CHRNB4: variants seen among roughly 807,000 people sequenced by gnomAD.
The protein encoded by CHRNB4 is cholinergic receptor nicotinic beta 4 subunit.
Under a neutral mutation model 40.4 loss-of-function variants are expected in CHRNB4, and 23 were observed. That is an observed-to-expected ratio of 0.57 (90% CI 0.41 to 0.81). CHRNB4 has a LOEUF of 0.81. Among genes scored for constraint, CHRNB4 ranks in the 30% least tolerant of loss-of-function variants. The pLI is 0.00. For synonymous variants in CHRNB4, 285 were observed against 274.4 expected, an observed-to-expected ratio of 1.04 and a Z score of -0.38; for missense variants, 568 against 670.6, an observed-to-expected ratio of 0.85 and a Z score of 1.69.
intron 1 of CHRNB4, among the ~76,000 whole-genome samples, chr15:78,638,216 C>T (rs928184076): frequency 1.3e-5 from 2 of 152,250 alleles, no homozygotes; most frequent in African/African-American, 4.8e-5. Context: ...GCTCATGCTC[C>T]AGCTCCGAGC....
At chr15:78,650,497 C>G (rs2054163409) in intron 6 of CHRNB4, among the ~76,000 whole-genome samples, 1 of 152,214 alleles carries the variant, frequency 6.6e-6, no homozygotes. Flanking sequence ...AGAAGTTGGT[C>G]TTCACATTCC....
At chr15:78,656,466 A>G (rs2141412233) in exon 4 of CHRNB4, 1 of 152,282 alleles carries the variant, frequency 6.6e-6, no homozygotes, top group South Asian at 2.1e-4. Context: ...TGCATTATAT[A>G]CACGTAACAA....
Position 78,628,905 on chromosome 15 carries a change from C to A in CHRNB4, c.1338+62G>T. ...TGAATTAACTGCAGGAAGTGGGAAG[C>A]TGGTGCTACTATCTGAGCCCTTTCT... On this transcript the variant is annotated intron_variant, in intron 5 of 5. Transcript: ENST00000261751. 3 of 1,533,868 alleles carry A rather than the reference C, an allele frequency of 2.0e-6. No homozygotes were observed. In the South Asian group the frequency reaches 3.9e-5, roughly 20 times the overall value.
At chr15:78,627,674 A>G (rs549859634) in intron 5 of CHRNB4, 1 of 152,290 alleles carries the variant, frequency 6.6e-6, no homozygotes, top group East Asian at 1.9e-4. Flanking sequence ...TAATATGAGA[A>G]CATTCACAAG....
upstream of CHRNB4, chr15:78,641,242 G>A (rs1441671934): frequency 9.8e-6 from 10 of 1,020,936 alleles, no homozygotes; most frequent in African/African-American, 1.6e-4. Context: ...AGGTTTGCTG[G>A]CGGGGCGGCG....
chr15:78,636,053 C>T (rs2053942756), intron 1 of CHRNB4, among the ~76,000 whole-genome samples: 1 of 151,978 alleles, frequency 6.6e-6, no homozygotes, highest in Non-Finnish European at 1.5e-5. Flanking sequence ...GATTACAGGC[C>T]TGCGCCACCA....
Position 78,629,786 on chromosome 15 carries a change from G to C in CHRNB4, c.519C>G (p.Ser173=). The C allele has an allele frequency of 6.2e-7, 1 of 1,614,160 alleles. No homozygotes were observed. The highest frequency in any genetic ancestry group is 8.5e-7 in the Non-Finnish European group (1 of 1,180,052). ...CTATCTCCGTGTGGTCATAGGTCCA[G>C]GAGCGGAACTTGAGGGTGCAGTTCT... The part of the protein sequence containing the change: ...DQQNCTLKFR[S]WTYDHTEIDM... The change falls in exon 5 of 6, where the codon TCC becomes TCG. Residue 173 remains serine (S), a synonymous_variant. Transcript: ENST00000261751. The surrounding 1 kb of genome is among the most constrained non-coding windows in gnomAD (Gnocchi z 6.8).
At chr15:78,657,029 TTTC>T (rs972845832) in intron 3 of CHRNB4, among the ~76,000 whole-genome samples, 11 of 144,726 alleles carry the variant, frequency 7.6e-5, no homozygotes, top group South Asian at 4.9e-4. Context: ...TTGTTTTTCT[TTTC>T]TTCTTTTTTT....
intron 2 of CHRNB4, among the ~76,000 whole-genome samples, chr15:78,635,018 G>C (rs2053916590): frequency 6.6e-6 from 1 of 152,130 alleles, no homozygotes; most frequent in Non-Finnish European, 1.5e-5. Context: ...CTACACCTGG[G>C]CCTCTCTGTA....
Position 78,631,398 on chromosome 15 carries a change from A to G in CHRNB4, c.205-66T>C. 4 of 1,540,400 alleles carry G rather than the reference A, an allele frequency of 2.6e-6. No individual in the cohort carries two copies. In the South Asian group the frequency reaches 4.7e-5, roughly 18 times the overall value. On this transcript the variant is annotated intron_variant, in intron 2 of 5. Coordinates refer to ENST00000261751, the MANE Select transcript of CHRNB4 (RefSeq NM_000750.5). ...GAGCCTCACAAATGGATTGCACTTT[A>G]TTGTGCAAAAGGCTGTGAGCTCCAG...
At chr15:78,658,610 AAAG>A (rs1398490794) in intron 1 of CHRNB4, among the ~76,000 whole-genome samples, 1 of 152,232 alleles carries the variant, frequency 6.6e-6, no homozygotes, top group Non-Finnish European at 1.5e-5. Context: ...AAGAAAAAAG[AAAG>A]TTGTAATAAC....
Position 78,636,574 on chromosome 15 carries a change from C to T in CHRNB4, c.56-987G>A, listed in dbSNP as rs2053954770. Among the ~76,000 whole-genome samples the T allele has an allele frequency of 1.3e-5, 2 of 152,012 alleles. 1 individual carries two copies. The highest frequency in any genetic ancestry group is 2.9e-5 in the Non-Finnish European group (2 of 67,996). On this transcript the variant is annotated intron_variant, in intron 1 of 5. Transcript: ENST00000261751. ...TGGCCATAGCCTACTGTTTGCCTTT[C>T]CCCCTGTGACCTTCACTGTCTCACT...
At chr15:78,642,007 C>A (rs1402763515), upstream of CHRNB4, among the ~76,000 whole-genome samples, 1 of 152,206 alleles carries the variant, frequency 6.6e-6, no homozygotes, top group Non-Finnish European at 1.5e-5. Flanking sequence ...TCAGTCCGGT[C>A]CTCATACCTG....
chr15:78,630,944 G>C, intron 4 of CHRNB4, 132 bp downstream of exon 4: 2 of 700,526 alleles, frequency 2.9e-6, no homozygotes, highest in South Asian at 3.4e-5. Context: ...TTCTCTTCTA[G>C]CTTGATGGCC....
chr15:78,639,559 A>C (rs2054027834), intron 1 of CHRNB4, among the ~76,000 whole-genome samples: 1 of 152,058 alleles, frequency 6.6e-6, no homozygotes, highest in African/African-American at 2.4e-5. Flanking sequence ...CTGCCTCCCA[A>C]AGTGCTGGGA....
chr15:78,642,990 A>T (rs2054094088), upstream of CHRNB4, among the ~76,000 whole-genome samples: 1 of 152,162 alleles, frequency 6.6e-6, no homozygotes, highest in African/African-American at 2.4e-5. Context: ...ACTTCCTCAT[A>T]TATAAAGGGG....
At chr15:78,648,030 G>A (rs1363595922) in intron 7 of CHRNB4, among the ~76,000 whole-genome samples, 2 of 151,960 alleles carry the variant, frequency 1.3e-5, no homozygotes, top group African/African-American at 4.8e-5. Context: ...GAAGAGGTAG[G>A]GCCTTTAAGA....
chr15:78,648,888 C>T (rs1350577105), intron 7 of CHRNB4, among the ~76,000 whole-genome samples: 1 of 152,100 alleles, frequency 6.6e-6, no homozygotes, highest in Non-Finnish European at 1.5e-5. Context: ...AAGTGATCCT[C>T]CCACCTCAGC....
Position 78,635,568 on chromosome 15 carries a change from A to G in CHRNB4, c.75T>C (p.Asn25=), listed in dbSNP as rs1010562365. The change falls in exon 2 of 6, where the codon AAT becomes AAC. Residue 25 remains asparagine (N), a synonymous_variant. Transcript: ENST00000261751. ...LCGRGNCRVA[N]AEEKLMDDLL... is the part of the protein sequence containing the mutation. ...GGTCGTCCATCAGCTTTTCCTCCGC[A>G]TTGGCCACGCGGCAGTTCCCTGAGA... 6.2e-7 allele frequency: 1 copy of G among 1,614,054 alleles called. No individual in the cohort carries two copies. Among genetic ancestry groups the G allele is most frequent in the South Asian group, 1.1e-5 (1 of 91,074 alleles).
Sources: gnomAD v4.1 joint callset for allele counts (sites outside exome capture counted in the v4.1 genomes callset) on GRCh38, gnomAD v4.1.1 for gene constraint, Gnocchi (gnomAD v3.1) non-coding constraint, MANE v1.5 for transcripts, NCBI Gene and HGNC (gene_info 2026-07-23, HGNC 2026-07-21) for gene names.